The following TSPAN7 variants were observed in gnomAD, a reference collection of about 807,000 sequenced individuals.
TSPAN7 encodes the protein tetraspanin-7.
A neutral mutation model predicts 17.6 loss-of-function variants in TSPAN7; 1 was observed. That is an observed-to-expected ratio of 0.06 (90% CI 0.02 to 0.27). The LOEUF is 0.27. Ranked by LOEUF, TSPAN7 falls within the 10% of genes least tolerant of loss-of-function variation. TSPAN7 has a pLI of 1.00. For synonymous variants in TSPAN7, 78 were observed against 79.0 expected (o/e 0.99, Z 0.07); for missense variants, 112 against 201.7 (o/e 0.56, Z 2.69).
chrX:38,614,486 C>T (rs1456082246), intron 1 of TSPAN7, among the ~76,000 whole-genome samples: 1 of 112,721 alleles, frequency 8.9e-6, no homozygotes, highest in Non-Finnish European at 1.9e-5. Context: ...AAGTCCAGTT[C>T]TTCCCATACA....
chrX:38,609,472 G>A (rs918778670), intron 1 of TSPAN7, among the ~76,000 whole-genome samples: 14 of 110,786 alleles, frequency 1.3e-4, no homozygotes, highest in African/African-American at 2.9e-4. Flanking sequence ...TAGTTGAAAA[G>A]CTTGTGCAGC....
intron 1 of TSPAN7, among the ~76,000 whole-genome samples, chrX:38,648,109 G>A (rs942875097): frequency 9.0e-6 from 1 of 111,443 alleles, no homozygotes; most frequent in African/African-American, 3.3e-5. Flanking sequence ...CTGATTATGT[G>A]AGCCTCATGG....
intron 1 of TSPAN7, among the ~76,000 whole-genome samples, chrX:38,623,856 C>T (rs1210457217): frequency 1.9e-5 from 2 of 107,798 alleles, no homozygotes; most frequent in African/African-American, 6.7e-5. Flanking sequence ...ACCCCCACTT[C>T]TTTATTTCCT....
intron 1 of TSPAN7, among the ~76,000 whole-genome samples, chrX:38,603,419 A>G (rs1429616491): frequency 8.9e-6 from 1 of 112,279 alleles, no homozygotes; most frequent in Non-Finnish European, 1.9e-5. Flanking sequence ...TATACCCAAT[A>G]GAGTTGAAAA....
At chrX:38,682,185 TA>T (rs200866468) in intron 6 of TSPAN7, among the ~76,000 whole-genome samples, 12,699 of 111,671 alleles carry the variant, frequency 0.11, 1,774 homozygotes, top group African/African-American at 0.39. Flanking sequence ...CATTTTTTAT[TA>T]TTTTTTTATT....
intron 1 of TSPAN7, among the ~76,000 whole-genome samples, chrX:38,621,346 T>G (rs1184806682): frequency 8.9e-6 from 1 of 112,314 alleles, no homozygotes; most frequent in Non-Finnish European, 1.9e-5. Context: ...TGGTAGTCTT[T>G]TTAACTTTTA....
At chrX:38,686,093 A>T (rs1470483373) in intron 6 of TSPAN7, among the ~76,000 whole-genome samples, 1 of 112,605 alleles carries the variant, frequency 8.9e-6, no homozygotes, top group Non-Finnish European at 1.9e-5. Context: ...TCTAAAGGTT[A>T]CAGCCATGGT....
chrX:38,686,546 T>A (rs1388211604), intron 6 of TSPAN7, among the ~76,000 whole-genome samples: 1 of 111,809 alleles, frequency 8.9e-6, no homozygotes, highest in Non-Finnish European at 1.9e-5. Flanking sequence ...TCCCAGGCGA[T>A]CGTGATGCTC....
At chrX:38,571,821 A>C (rs756602800) in intron 1 of TSPAN7, among the ~76,000 whole-genome samples, 22 of 111,106 alleles carry the variant, frequency 2.0e-4, no homozygotes, top group Non-Finnish European at 3.6e-4. Context: ...GATATAAATG[A>C]GTTCTTACCT....
At chrX:38,615,323 G>A (rs1257987628) in intron 1 of TSPAN7, among the ~76,000 whole-genome samples, 1 of 111,457 alleles carries the variant, frequency 9.0e-6, no homozygotes, top group Non-Finnish European at 1.9e-5. Context: ...CTGACACATA[G>A]CTGAAAATAA....
chrX:38,602,447 A>AGTATTCCTAACAATTATTGATAAT lies in TSPAN7; in HGVS notation c.81+40820_81+40821insGTATTCCTAACAATTATTGATAAT, dbSNP rs1376232301. On this transcript the variant is annotated intron_variant, in intron 1 of 7. Transcript: ENST00000378482. ...CTGGGAAAATTATTGATAATAGACA[A>AGTATTCCTAACAATTATTGATAAT]AGGCATAGTATTCCTAACAATTAAC... 3.3e-4 allele frequency among the ~76,000 whole-genome samples: 37 copies of AGTATTCCTAACAATTATTGATAAT among 111,806 alleles called. 1 individual carries two copies. The highest frequency in any genetic ancestry group is 5.8e-4 in the African/African-American group (18 of 30,800).
intron 1 of TSPAN7, among the ~76,000 whole-genome samples, chrX:38,589,370 A>C (rs925006277): frequency 1.8e-5 from 2 of 112,136 alleles, no homozygotes; most frequent in African/African-American, 6.5e-5. Context: ...CTACTGTTGC[A>C]TATGTAGGTG....
chrX:38,665,977 C>A, intron 1 of TSPAN7, 144 bp from the exon 2 acceptor site: 1 of 534,408 alleles, frequency 1.9e-6, no homozygotes. Context: ...TTAACACTCT[C>A]TGACATTTCT....
intron 1 of TSPAN7, chrX:38,563,272 G>C: frequency 2.3e-6 from 1 of 439,717 alleles, no homozygotes; most frequent in Admixed American, 4.8e-5. Flanking sequence ...AAATGTCTCA[G>C]TAGTGGAATT....
At chrX:38,652,682 C>T (rs2069681613) in intron 1 of TSPAN7, among the ~76,000 whole-genome samples, 1 of 112,179 alleles carries the variant, frequency 8.9e-6, no homozygotes, top group Non-Finnish European at 1.9e-5. Context: ...GGAGTATGCC[C>T]AATAAGGGGC....
At chrX:38,655,092 T>C (rs1404661677) in intron 1 of TSPAN7, among the ~76,000 whole-genome samples, 2 of 111,639 alleles carry the variant, frequency 1.8e-5, no homozygotes, top group African/African-American at 3.3e-5. Flanking sequence ...GATAAGAACA[T>C]TGACTTTCTC....
intron 5 of TSPAN7, among the ~76,000 whole-genome samples, chrX:38,678,633 A>C (rs895344504): frequency 8.9e-6 from 1 of 112,262 alleles, no homozygotes; most frequent in Non-Finnish European, 1.9e-5. Flanking sequence ...TTCGGGGTTC[A>C]TGCAGTAAAT....
intron 5 of TSPAN7, among the ~76,000 whole-genome samples, chrX:38,677,253 T>C (rs1419128463): frequency 8.9e-6 from 1 of 112,085 alleles, no homozygotes; most frequent in East Asian, 2.8e-4. Context: ...ATGCGGATAA[T>C]AATAGTACAT....
chrX:38,637,907 T>C (rs1011414635), intron 1 of TSPAN7, among the ~76,000 whole-genome samples: 3 of 111,906 alleles, frequency 2.7e-5, no homozygotes, highest in African/African-American at 9.8e-5. Flanking sequence ...TCAATATTAG[T>C]GTACGCTATA....
Sources: gnomAD v4.1 joint callset for allele counts (sites outside exome capture counted in the v4.1 genomes callset) on GRCh38, gnomAD v4.1.1 for gene constraint, MANE v1.5 for transcripts, NCBI Gene and HGNC (gene_info 2026-07-23, HGNC 2026-07-21) for gene names.